Variants in LRRC7 observed in about 807,000 individuals in gnomAD.
LRRC7 encodes the protein leucine rich repeat containing 7.
Under a neutral mutation model 175.7 loss-of-function variants are expected in LRRC7, and 23 were observed. The ratio of observed to expected loss-of-function variants is 0.13; its 90% confidence interval spans 0.09 to 0.19. LRRC7 has a LOEUF of 0.19. LRRC7 is among the 10% of genes least tolerant of loss of function. The pLI is 1.00. For missense variants in LRRC7, 1,354 were observed against 1,904.7 expected (o/e 0.71, Z 5.38); for synonymous variants, 685 against 680.9 (o/e 1.01, Z -0.09).
Position 69,574,919 on chromosome 1 carries a change from C to T in LRRC7, c.2+6278C>T, listed in dbSNP as rs1193226106. ...AAAGCTATTGTAATTAAATCAAATACCTAGTTAAACTTAGAGTGAGTGTTA... is the reference window on the plus strand; with the variant it reads ...AAAGCTATTGTAATTAAATCAAATATCTAGTTAAACTTAGAGTGAGTGTTA... On this transcript the variant is annotated intron_variant, in intron 1 of 26. Coordinates refer to ENST00000651989, the MANE Select transcript of LRRC7 (RefSeq NM_001370785.2). 2.0e-5 allele frequency among the ~76,000 whole-genome samples: 3 copies of T among 152,214 alleles called. No individual in the cohort carries two copies. The East Asian group carries it at 5.8e-4, about 29-fold the overall frequency.
intron 4 of LRRC7, among the ~76,000 whole-genome samples, chr1:69,811,551 A>G (rs1490200133): frequency 1.3e-5 from 2 of 152,196 alleles, no homozygotes; most frequent in African/African-American, 4.8e-5. Context: ...CTGGATAAAG[A>G]AAATGTGGAC....
chr1:69,847,659 T>C (rs551958137), intron 7 of LRRC7, among the ~76,000 whole-genome samples: 21 of 152,180 alleles, frequency 1.4e-4, no homozygotes, highest in African/African-American at 4.6e-4. Context: ...CCTCTCCTAC[T>C]AGCCCCAAAT....
intron 7 of LRRC7, chr1:69,919,815 T>C: frequency 1.3e-6 from 1 of 769,188 alleles, no homozygotes; most frequent in Non-Finnish European, 2.2e-6. Context: ...GATTCCGGCA[T>C]CCACGTCATT....
At chr1:69,817,598 C>T (rs1678752880) in intron 4 of LRRC7, among the ~76,000 whole-genome samples, 1 of 151,916 alleles carries the variant, frequency 6.6e-6, no homozygotes, top group Non-Finnish European at 1.5e-5. Flanking sequence ...CTCAAAATTA[C>T]TTTAGCTACT....
rs144816446 is a variant in LRRC7 at position 69,822,297 on chromosome 1, C to T, written c.422-3451C>T. 2.2e-3 allele frequency among the ~76,000 whole-genome samples: 333 copies of T among 152,222 alleles called. 1 individual carries two copies. Among genetic ancestry groups the T allele is most frequent in the African/African-American group, 7.6e-3 (314 of 41,542 alleles). On this transcript the variant is annotated intron_variant, in intron 4 of 26. Transcript: ENST00000651989. ...CTGGCTGTGTATGCTGGCCAGACAACGGCAAGTGCTCACACTCTCTGTCAG... is the reference window on the plus strand; with the variant it reads ...CTGGCTGTGTATGCTGGCCAGACAATGGCAAGTGCTCACACTCTCTGTCAG...
At chr1:69,781,840 A>T (rs1673721356) in intron 3 of LRRC7, among the ~76,000 whole-genome samples, 1 of 110,418 alleles carries the variant, frequency 9.1e-6, no homozygotes, top group Non-Finnish European at 1.8e-5. Flanking sequence ...GAAGGAAGGA[A>T]GGAAGGGAGA....
chr1:69,909,134 C>G (rs1285687381), intron 7 of LRRC7, among the ~76,000 whole-genome samples: 3 of 152,026 alleles, frequency 2.0e-5, no homozygotes, highest in Admixed American at 2.0e-4. Context: ...AGATCTTCCT[C>G]CATCCTTTTA....
chr1:69,974,450 T>G (rs1652606451), intron 8 of LRRC7, among the ~76,000 whole-genome samples: 1 of 152,218 alleles, frequency 6.6e-6, no homozygotes, highest in Non-Finnish European at 1.5e-5. Flanking sequence ...CAAAACCCAT[T>G]TATGAGAGTG....
intron 17 of LRRC7, among the ~76,000 whole-genome samples, chr1:70,025,603 A>T (rs1476055499): frequency 6.6e-6 from 1 of 152,152 alleles, no homozygotes; most frequent in Non-Finnish European, 1.5e-5. Flanking sequence ...GCTCCGGATT[A>T]ACTCAAATTT....
intron 23 of LRRC7, among the ~76,000 whole-genome samples, chr1:70,055,975 G>A (rs1406449901): frequency 2.6e-5 from 4 of 152,190 alleles, no homozygotes; most frequent in African/African-American, 7.2e-5. Flanking sequence ...AGCTTCTAAT[G>A]TGGTCAAGTG....
At chr1:69,744,297 C>T (rs537955752) in intron 2 of LRRC7, among the ~76,000 whole-genome samples, 1 of 151,900 alleles carries the variant, frequency 6.6e-6, no homozygotes, top group African/African-American at 2.4e-5. Context: ...TATATATAAA[C>T]TCATTTAATG....
chr1:69,990,889 G>A (rs1010467933), intron 10 of LRRC7, among the ~76,000 whole-genome samples: 1 of 152,074 alleles, frequency 6.6e-6, no homozygotes, highest in African/African-American at 2.4e-5. Flanking sequence ...CAGCTATATT[G>A]TGGTTATGAG....
chr1:69,756,486 T>A (rs913731118), intron 2 of LRRC7, among the ~76,000 whole-genome samples: 1 of 150,946 alleles, frequency 6.6e-6, no homozygotes, highest in African/African-American at 2.4e-5. Flanking sequence ...TTTTCAAGAG[T>A]GAGGAAAAAT....
intron 13 of LRRC7, among the ~76,000 whole-genome samples, chr1:70,014,835 C>A (rs1487059641): frequency 1.3e-5 from 2 of 151,978 alleles, no homozygotes; most frequent in Non-Finnish European, 2.9e-5. Flanking sequence ...AGCTCACTTG[C>A]AATAGAGGTC....
At chr1:70,023,511 T>G in intron 17 of LRRC7, 137 bp downstream of exon 17, 1 of 949,406 alleles carries the variant, frequency 1.1e-6, no homozygotes, top group Non-Finnish European at 1.4e-6. Context: ...CAGTGTTTTA[T>G]CTCAATTTAA....
At chr1:69,996,161 T>C (rs1479697644) in intron 11 of LRRC7, among the ~76,000 whole-genome samples, 1 of 151,586 alleles carries the variant, frequency 6.6e-6, no homozygotes, top group Non-Finnish European at 1.5e-5. Flanking sequence ...CCAGTGATGG[T>C]GAGCATTTTT....
chr1:69,905,943 C>T (rs542232013), intron 7 of LRRC7, among the ~76,000 whole-genome samples: 2 of 152,300 alleles, frequency 1.3e-5, no homozygotes, highest in East Asian at 1.9e-4. Flanking sequence ...TTTTAATGAT[C>T]ACCATCCTAA....
intron 2 of LRRC7, among the ~76,000 whole-genome samples, chr1:69,683,670 A>G (rs1227646110): frequency 2.0e-5 from 3 of 152,216 alleles, no homozygotes; most frequent in African/African-American, 4.8e-5. Flanking sequence ...AAGAAAAATT[A>G]AAAAGATTAA....
intron 2 of LRRC7, among the ~76,000 whole-genome samples, chr1:69,705,966 G>A (rs1663984817): frequency 6.6e-6 from 1 of 151,938 alleles, no homozygotes; most frequent in Non-Finnish European, 1.5e-5. Context: ...AAAATAAATG[G>A]TCATATCATT....
Sources: gnomAD v4.1 joint callset for allele counts (sites outside exome capture counted in the v4.1 genomes callset) on GRCh38, gnomAD v4.1.1 for gene constraint, MANE v1.5 for transcripts, NCBI Gene and HGNC (gene_info 2026-07-23, HGNC 2026-07-21) for gene names.